The following TAFA1 variants were observed in gnomAD, a reference collection of about 807,000 sequenced individuals.
TAFA1 encodes the protein chemokine-like protein TAFA-1.
A neutral mutation model predicts 18.5 loss-of-function variants in TAFA1; 4 were observed. That is an observed-to-expected ratio of 0.22 (90% CI 0.11 to 0.49). The LOEUF (loss-of-function observed/expected upper bound fraction) is 0.49. Ranked by LOEUF, TAFA1 falls within the 20% of genes least tolerant of loss-of-function variation. The pLI, the probability that TAFA1 is intolerant of heterozygous loss-of-function variation, is 0.98. For synonymous variants in TAFA1, 56 were observed against 55.2 expected (o/e 1.01, Z -0.06); for missense variants, 147 against 169.0 (o/e 0.87, Z 0.72).
Position 68,189,878 on chromosome 3 carries a change from A to G in TAFA1, c.118+183134A>G, listed in dbSNP as rs188661181. On this transcript the variant is annotated intron_variant, in intron 2 of 4. Transcript: ENST00000478136. The stretch of plus-strand genomic sequence containing the variant: ...CACTGCTGCAATTCTTATTGTCACC[A>G]TTGATATTATTAGTCATCAACATGG... 5.3e-5 allele frequency among the ~76,000 whole-genome samples: 8 copies of G among 152,014 alleles called. No homozygotes were observed. In the East Asian group the frequency reaches 1.4e-3, roughly 26 times the overall value.
intron 2 of TAFA1, among the ~76,000 whole-genome samples, chr3:68,009,006 T>G (rs1434760249): frequency 2.0e-5 from 3 of 152,244 alleles, no homozygotes; most frequent in Admixed American, 1.3e-4. Context: ...TCACAAATAT[T>G]GGGAATTACT....
intron 2 of TAFA1, among the ~76,000 whole-genome samples, chr3:68,398,171 T>C (rs1347006611): frequency 6.6e-6 from 1 of 152,144 alleles, no homozygotes; most frequent in Non-Finnish European, 1.5e-5. Context: ...CTTCAAACTA[T>C]GCTACAAGGC....
In TAFA1 at chr3:68,286,331, G is replaced by A. The variant is rs114262742; in HGVS notation, c.119-130949G>A. 6.2e-3 allele frequency among the ~76,000 whole-genome samples: 936 copies of A among 152,146 alleles called. 8 individuals carry two copies. The highest frequency in any genetic ancestry group is 0.022 in the African/African-American group (903 of 41,520). On this transcript the variant is annotated intron_variant, in intron 2 of 4. Transcript: ENST00000478136. The stretch of plus-strand genomic sequence containing the variant: ...AGTTAATGAGTCTACGTTAGTCCAC[G>A]GGGCTATCCAAGAGAAAACTGTTGG...
At chr3:68,345,032 C>A (rs1157653719) in intron 2 of TAFA1, among the ~76,000 whole-genome samples, 28 of 141,122 alleles carry the variant, frequency 2.0e-4, no homozygotes, top group African/African-American at 3.1e-4. Context: ...GGCCCTATCT[C>A]AAAAAAAAAA....
At chr3:68,203,135 T>G (rs2066487099) in intron 2 of TAFA1, among the ~76,000 whole-genome samples, 2 of 151,816 alleles carry the variant, frequency 1.3e-5, no homozygotes, top group Admixed American at 1.3e-4. Flanking sequence ...TCTTTTTTGC[T>G]TGTGTAGTTT....
intron 2 of TAFA1, among the ~76,000 whole-genome samples, chr3:68,399,393 A>G (rs2070444177): frequency 1.3e-5 from 2 of 152,142 alleles, no homozygotes; most frequent in Admixed American, 1.3e-4. Context: ...GGATTTCTTT[A>G]CAACAGAGGC....
chr3:68,370,490 A>ACATACG (rs2069680254), intron 2 of TAFA1, among the ~76,000 whole-genome samples: 1 of 93,006 alleles, frequency 1.1e-5, no homozygotes, highest in African/African-American at 4.0e-5. Flanking sequence ...ATATATATAT[A>ACATACG]TATATATATA....
chr3:68,156,000 TC>T (rs1284923753), intron 2 of TAFA1, among the ~76,000 whole-genome samples: 1 of 151,958 alleles, frequency 6.6e-6, no homozygotes, highest in Non-Finnish European at 1.5e-5. Flanking sequence ...CTACTTTTTT[TC>T]CCCCTTCAAG....
chr3:68,210,169 G>A (rs1035828042), intron 2 of TAFA1, among the ~76,000 whole-genome samples: 3 of 151,938 alleles, frequency 2.0e-5, no homozygotes, highest in African/African-American at 7.2e-5. Flanking sequence ...TACCTTAGAA[G>A]CGTGATTCAG....
chr3:68,053,458 C>T (rs796076835), intron 2 of TAFA1, among the ~76,000 whole-genome samples: 25 of 152,174 alleles, frequency 1.6e-4, no homozygotes, highest in Admixed American at 5.9e-4. Context: ...GGAATGGAAA[C>T]AAAATCAGGT....
chr3:68,412,723 T>G (rs1302808703), intron 2 of TAFA1, among the ~76,000 whole-genome samples: 1 of 152,192 alleles, frequency 6.6e-6, no homozygotes, highest in Non-Finnish European at 1.5e-5. Context: ...TTTTTATGGC[T>G]GCATAGTATT....
chr3:68,454,908 G>C (rs950949283), intron 3 of TAFA1, among the ~76,000 whole-genome samples: 1 of 151,710 alleles, frequency 6.6e-6, no homozygotes, highest in African/African-American at 2.4e-5. Context: ...ATCAACACAG[G>C]GTTAGGAGCA....
At chr3:68,303,435 T>C (rs1168920590) in intron 2 of TAFA1, among the ~76,000 whole-genome samples, 2 of 151,884 alleles carry the variant, frequency 1.3e-5, no homozygotes, top group African/African-American at 2.4e-5. Flanking sequence ...GTCCTTGTTA[T>C]GAAAATTCTT....
At chr3:68,171,796 T>C (rs147351715) in intron 2 of TAFA1, among the ~76,000 whole-genome samples, 35 of 150,692 alleles carry the variant, frequency 2.3e-4, no homozygotes, top group African/African-American at 8.3e-4. Context: ...TTACAAAAAC[T>C]GTAATGAAAA....
chr3:68,370,914 ATCT>A (rs1217767827), intron 2 of TAFA1, among the ~76,000 whole-genome samples: 2 of 151,780 alleles, frequency 1.3e-5, no homozygotes, highest in African/African-American at 4.8e-5. Context: ...TTGGGGTATA[ATCT>A]TCTAGAACAT....
chr3:68,270,277 G>A (rs2067638819), intron 2 of TAFA1, among the ~76,000 whole-genome samples: 1 of 152,134 alleles, frequency 6.6e-6, no homozygotes, highest in Non-Finnish European at 1.5e-5. Flanking sequence ...GTGGGGTTGT[G>A]GAGGGGCTTC....
intron 2 of TAFA1, among the ~76,000 whole-genome samples, chr3:68,399,231 CA>C (rs1372877410): frequency 3.3e-5 from 5 of 152,156 alleles, no homozygotes; most frequent in African/African-American, 1.2e-4. Context: ...GTGCATTTTA[CA>C]AAGCTCAAAG....
intron 2 of TAFA1, among the ~76,000 whole-genome samples, chr3:68,380,212 C>A (rs1164446827): frequency 2.0e-5 from 3 of 152,072 alleles, no homozygotes; most frequent in Non-Finnish European, 2.9e-5. Flanking sequence ...ATTGTGAATA[C>A]TGCCGCAATA....
chr3:68,115,729 A>G (rs1423712853), intron 2 of TAFA1, among the ~76,000 whole-genome samples: 1 of 152,146 alleles, frequency 6.6e-6, no homozygotes, highest in Non-Finnish European at 1.5e-5. Flanking sequence ...GGAGATGCCT[A>G]CACCTTATTG....
Sources: gnomAD v4.1 joint callset for allele counts (sites outside exome capture counted in the v4.1 genomes callset) on GRCh38, gnomAD v4.1.1 for gene constraint, MANE v1.5 for transcripts, NCBI Gene and HGNC (gene_info 2026-07-23, HGNC 2026-07-21) for gene names.